The following MAPK10 variants were observed in gnomAD, a reference collection of about 807,000 sequenced individuals.
The protein encoded by MAPK10 is JNK3 alpha protein kinase.
MAPK10 carries 25 observed loss-of-function variants against 59.3 expected under a neutral mutation model. The ratio of observed to expected loss-of-function variants is 0.42; its 90% CI spans 0.31 to 0.59. The LOEUF (loss-of-function observed/expected upper bound fraction) is 0.59. Among genes scored for constraint, MAPK10 ranks in the 20% least tolerant of loss-of-function variants. The pLI, the probability that MAPK10 is intolerant of heterozygous loss-of-function variation, is 0.15. For synonymous variants in MAPK10, 190 were observed against 200.5 expected (o/e 0.95, Z 0.44); for missense variants, 351 against 568.9 (o/e 0.62, Z 3.90).
At chr4:86,374,912 A>C (rs13115030) in intron 1 of MAPK10, among the ~76,000 whole-genome samples, 106,502 of 152,098 alleles carry the variant, frequency 0.7, 38,777 homozygotes, top group South Asian at 0.9. Context: ...TTATGAATGC[A>C]TGTGTACATG....
intron 2 of MAPK10, among the ~76,000 whole-genome samples, chr4:86,256,893 A>G (rs1300883892): frequency 1.3e-5 from 2 of 149,742 alleles, no homozygotes; most frequent in Non-Finnish European, 3.0e-5. Flanking sequence ...GGCGCCCGCC[A>G]TTGCGCCCGC....
At chr4:86,144,090 G>C (rs1025495751) in intron 4 of MAPK10, among the ~76,000 whole-genome samples, 5 of 152,042 alleles carry the variant, frequency 3.3e-5, no homozygotes, top group African/African-American at 9.7e-5. Flanking sequence ...ATCTTTTTTG[G>C]GGGGTGTGTT....
intron 1 of MAPK10, among the ~76,000 whole-genome samples, chr4:86,487,360 A>AGTGTGTGTGT (rs1344194192): frequency 6.1e-5 from 2 of 33,056 alleles, no homozygotes; most frequent in East Asian, 1.8e-3. Flanking sequence ...AGAGAGAGAG[A>AGTGTGTGTGT]GAGTGTGTGT....
intron 1 of MAPK10, among the ~76,000 whole-genome samples, chr4:86,581,053 T>C (rs1445921439): frequency 6.6e-6 from 1 of 152,230 alleles, no homozygotes; most frequent in Non-Finnish European, 1.5e-5. Flanking sequence ...AATGGTGTTT[T>C]GCTTCAATTC....
chr4:86,322,854 A>G (rs2095930440), intron 2 of MAPK10, among the ~76,000 whole-genome samples: 1 of 152,228 alleles, frequency 6.6e-6, no homozygotes, highest in Non-Finnish European at 1.5e-5. Context: ...GTTACTTTTC[A>G]GATATCAGGG....
At chr4:86,187,862 G>T (rs1003719062) in intron 3 of MAPK10, among the ~76,000 whole-genome samples, 1 of 152,058 alleles carries the variant, frequency 6.6e-6, no homozygotes, top group Admixed American at 6.6e-5. Flanking sequence ...GTGGTTTGCT[G>T]CACCCATCAA....
In MAPK10 at chr4:86,365,433, A is replaced by G. The variant is rs1578920079; in HGVS notation, c.-121-10789T>C. Among the ~76,000 whole-genome samples, 3 of 59,892 alleles carry G rather than the reference A, an allele frequency of 5.0e-5. No individual in the cohort carries two copies. In the South Asian group the frequency reaches 1.6e-3, roughly 32 times the overall value. 39.3% of individuals were successfully genotyped at this position (59,892 alleles called of 152,430 possible). On this transcript the variant is annotated intron_variant, in intron 1 of 13. Transcript: ENST00000361569. ...GGCAACAGGGTGAGACTCTGTCTCA[A>G]AAAAAAAAAAAAAAAAAAAAAAAAA...
At chr4:86,538,673 C>A (rs1466623873) in intron 1 of MAPK10, among the ~76,000 whole-genome samples, 1 of 152,110 alleles carries the variant, frequency 6.6e-6, no homozygotes, top group Non-Finnish European at 1.5e-5. Flanking sequence ...AATATTCACT[C>A]TTCCTATCCA....
At chr4:86,421,983 C>T (rs1271124957) in intron 1 of MAPK10, among the ~76,000 whole-genome samples, 1 of 152,196 alleles carries the variant, frequency 6.6e-6, no homozygotes, top group Non-Finnish European at 1.5e-5. Context: ...AGTCTCAAGG[C>T]CTTTCACGTG....
rs552539096 is a variant in MAPK10 at position 86,156,886 on chromosome 4, G to A, written c.236+2412C>T. Among the ~76,000 whole-genome samples, 6 of 152,088 alleles carry A rather than the reference G, an allele frequency of 3.9e-5. No homozygotes were observed. In the East Asian group the frequency reaches 5.8e-4, roughly 15 times the overall value. On this transcript the variant is annotated intron_variant, in intron 4 of 13. Coordinates refer to ENST00000641462, the MANE Select transcript of MAPK10 (RefSeq NM_138982.4). ...GATTATTCTACAATTCCCCACCTAC[G>A]AGGCTGTAGAGAACTTCTCAGCTCA...
At chr4:86,152,693 T>C (rs1054170138) in intron 4 of MAPK10, 1 of 152,184 alleles carries the variant, frequency 6.6e-6, no homozygotes, top group Non-Finnish European at 1.5e-5. Flanking sequence ...AAGGGCCAAC[T>C]ACCTTCCCTC....
chr4:86,142,156 C>A (rs184185135), intron 4 of MAPK10, among the ~76,000 whole-genome samples: 111 of 152,290 alleles, frequency 7.3e-4, no homozygotes, highest in African/African-American at 2.4e-3. Context: ...CCCCACATCC[C>A]AACAACCACA....
chr4:86,047,657 C>A (rs921651696), intron 11 of MAPK10, among the ~76,000 whole-genome samples: 1 of 152,104 alleles, frequency 6.6e-6, no homozygotes, highest in Non-Finnish European at 1.5e-5. Flanking sequence ...TGTGCACGCA[C>A]GTGCACTTGT....
At chr4:86,197,310 G>T (rs1042138322) in intron 2 of MAPK10, among the ~76,000 whole-genome samples, 1 of 151,948 alleles carries the variant, frequency 6.6e-6, no homozygotes, top group East Asian at 1.9e-4. Flanking sequence ...TAGGTATTTT[G>T]TTCTCTTTGT....
intron 2 of MAPK10, among the ~76,000 whole-genome samples, chr4:86,314,689 T>C (rs1343901227): frequency 6.6e-6 from 1 of 152,078 alleles, no homozygotes; most frequent in Non-Finnish European, 1.5e-5. Flanking sequence ...TATAACTCAA[T>C]AGAAATAGAA....
chr4:86,462,619 T>C (rs1751846296), intron 1 of MAPK10, among the ~76,000 whole-genome samples: 1 of 152,170 alleles, frequency 6.6e-6, no homozygotes, highest in Non-Finnish European at 1.5e-5. Flanking sequence ...CTGGAGTTGG[T>C]AAAGCCCTTG....
At position 86,402,146 on chromosome 4, in the gene MAPK10, T is replaced by C. The variant is rs373593769; in HGVS notation, c.-121-47502A>G. Among the ~76,000 whole-genome samples the C allele has an allele frequency of 2.6e-3, 400 of 152,018 alleles. 1 individual carries two copies. The highest frequency in any genetic ancestry group is 8.9e-3 in the African/African-American group (370 of 41,490). ...GGAAATTGTTCACAGTAAGACAATC[T>C]AAGTCTAGAGCTGCTAAGAGGACTT... On this transcript the variant is annotated intron_variant, in intron 1 of 13. Transcript: ENST00000361569.
In MAPK10 at chr4:86,536,057, A is replaced by G. The variant is rs140595940; in HGVS notation, c.-263+57853T>C. ...GGACATTTTATTTCCCCTTGTCCCC[A>G]GAGATTGACAACTATGAGGTTTTCT... On this transcript the variant is annotated intron_variant, in intron 1 of 4. Coordinates refer to the MAPK10 transcript ENST00000502302. 4.4e-3 allele frequency among the ~76,000 whole-genome samples: 668 copies of G among 152,318 alleles called. 1 individual carries two copies. The highest frequency in any genetic ancestry group is 7.2e-3 in the Admixed American group (110 of 15,300).
chr4:86,370,926 G>A (rs1450170009), intron 1 of MAPK10: 2 of 152,178 alleles, frequency 1.3e-5, no homozygotes, highest in African/African-American at 4.8e-5. Flanking sequence ...TTTAGACAGA[G>A]ATTTCATAAG....
Sources: allele counts gnomAD v4.1 joint callset (sites outside exome capture counted in the v4.1 genomes callset), GRCh38; gene constraint gnomAD v4.1.1; transcripts MANE v1.5; gene names NCBI Gene and HGNC (gene_info 2026-07-23, HGNC 2026-07-21).